The following MARCHF1 variants were observed in gnomAD, a reference collection of about 807,000 sequenced individuals.
MARCHF1 encodes membrane associated ring-CH-type finger 1, also known as E3 ubiquitin-protein ligase MARCHF1.
Under a neutral mutation model 54.2 loss-of-function variants are expected in MARCHF1, and 40 were observed. The observed-to-expected ratio is 0.74, with a 90% CI of 0.57 to 0.96. The LOEUF is 0.96. Among genes scored for constraint, MARCHF1 ranks in the 40% least tolerant of loss-of-function variants. The probability of loss-of-function intolerance (pLI) is 0.00; values close to 1 mark genes in which losing one functional copy is unlikely to be tolerated. For missense variants in MARCHF1, 586 were observed against 656.5 expected, an observed-to-expected ratio of 0.89 and a Z score of 1.17; for synonymous variants, 236 against 236.3, an observed-to-expected ratio of 1.00 and a Z score of 0.01.
At chr4:164,257,605 A>G (rs914111213) in intron 1 of MARCHF1, among the ~76,000 whole-genome samples, 5 of 151,868 alleles carry the variant, frequency 3.3e-5, no homozygotes, top group Admixed American at 3.3e-4. Context: ...TGTAAAATAT[A>G]TAACATATGA....
At chr4:163,828,393 CATT>C (rs1259176607) in intron 4 of MARCHF1, among the ~76,000 whole-genome samples, 1 of 152,022 alleles carries the variant, frequency 6.6e-6, no homozygotes, top group Non-Finnish European at 1.5e-5. Flanking sequence ...ATGCTTCAGT[CATT>C]ATAGACTTTT....
At chr4:163,959,448 T>C (rs1410983568) in intron 3 of MARCHF1, among the ~76,000 whole-genome samples, 1 of 151,704 alleles carries the variant, frequency 6.6e-6, no homozygotes, top group African/African-American at 2.4e-5. Flanking sequence ...GACAGCATGG[T>C]ATTGGTACAA....
At chr4:163,613,264 C>A in intron 6 of MARCHF1, 50 bp downstream of exon 6, 1 of 1,527,428 alleles carries the variant, frequency 6.5e-7, no homozygotes, top group East Asian at 2.3e-5. Flanking sequence ...AACAAGAATA[C>A]GAATATTGAT....
intron 3 of MARCHF1, among the ~76,000 whole-genome samples, chr4:163,982,431 C>T (rs1752781673): frequency 6.6e-6 from 1 of 152,144 alleles, no homozygotes; most frequent in South Asian, 2.1e-4. Context: ...GATTGCTGTA[C>T]CCAGATCCCA....
chr4:164,301,410 C>T (rs962384677), intron 1 of MARCHF1, among the ~76,000 whole-genome samples: 50 of 152,158 alleles, frequency 3.3e-4, no homozygotes, highest in African/African-American at 1.2e-3. Context: ...GGAACACGGG[C>T]TAATTGTAAG....
At chr4:163,829,833 G>A (rs893197578) in intron 4 of MARCHF1, among the ~76,000 whole-genome samples, 13 of 152,220 alleles carry the variant, frequency 8.5e-5, no homozygotes, top group African/African-American at 2.9e-4. Context: ...ACAATTGGAC[G>A]GCAGGCCTCA....
chr4:164,031,356 T>G (rs779490877), intron 2 of MARCHF1, among the ~76,000 whole-genome samples: 22 of 152,142 alleles, frequency 1.4e-4, no homozygotes, highest in Non-Finnish European at 3.1e-4. Flanking sequence ...TCATTTCTTA[T>G]TGTGTCTATT....
intron 1 of MARCHF1, among the ~76,000 whole-genome samples, chr4:164,264,483 TAAAAA>T (rs201127299): frequency 7.1e-6 from 1 of 141,786 alleles, no homozygotes; most frequent in Non-Finnish European, 1.6e-5. Flanking sequence ...AAATAAAAGT[TAAAAA>T]AAAAAAAGAA....
intron 3 of MARCHF1, among the ~76,000 whole-genome samples, chr4:163,901,102 T>C (rs1295191162): frequency 6.6e-6 from 1 of 152,200 alleles, no homozygotes; most frequent in Non-Finnish European, 1.5e-5. Flanking sequence ...AAGTGATGCA[T>C]ACTGTAGAAG....
intron 1 of MARCHF1, among the ~76,000 whole-genome samples, chr4:164,368,311 GAA>G (rs1487309691): frequency 7.0e-6 from 1 of 142,790 alleles, no homozygotes; most frequent in Non-Finnish European, 1.5e-5. Flanking sequence ...AAATGAAAAA[GAA>G]AATAATTTTC....
intron 7 of MARCHF1, among the ~76,000 whole-genome samples, chr4:163,601,883 T>C (rs1249144756): frequency 6.6e-6 from 1 of 152,048 alleles, no homozygotes; most frequent in East Asian, 1.9e-4. Context: ...AATTAGAAAG[T>C]AATTTATCAA....
intron 3 of MARCHF1, among the ~76,000 whole-genome samples, chr4:163,873,479 T>C (rs1354263676): frequency 6.6e-6 from 1 of 152,154 alleles, no homozygotes; most frequent in Admixed American, 6.5e-5. Flanking sequence ...GAGTCAGGCT[T>C]TTGACAGAGC....
At chr4:164,135,795 G>A (rs1756388804) in intron 1 of MARCHF1, among the ~76,000 whole-genome samples, 1 of 152,130 alleles carries the variant, frequency 6.6e-6, no homozygotes, top group African/African-American at 2.4e-5. Flanking sequence ...TCAAAGATGT[G>A]GTCTAAGAAA....
intron 4 of MARCHF1, among the ~76,000 whole-genome samples, chr4:163,775,505 A>G (rs190564602): frequency 1.3e-5 from 2 of 152,258 alleles, no homozygotes; most frequent in Admixed American, 1.3e-4. Context: ...TAACATTTTT[A>G]TACATAGATA....
At chr4:164,286,039 A>G (rs1349331830) in intron 1 of MARCHF1, among the ~76,000 whole-genome samples, 1 of 152,170 alleles carries the variant, frequency 6.6e-6, no homozygotes, top group Non-Finnish European at 1.5e-5. Context: ...AGAAAAATCA[A>G]GATTTCCCTG....
intron 1 of MARCHF1, among the ~76,000 whole-genome samples, chr4:164,301,225 A>C (rs1260169460): frequency 6.6e-6 from 1 of 152,212 alleles, no homozygotes; most frequent in African/African-American, 2.4e-5. Flanking sequence ...AGATTGGAGT[A>C]CCAGATATGA....
intron 3 of MARCHF1, among the ~76,000 whole-genome samples, chr4:163,935,798 G>A (rs1205291309): frequency 6.7e-6 from 1 of 149,842 alleles, no homozygotes; most frequent in Non-Finnish European, 1.5e-5. Context: ...TGCCATGCTG[G>A]TGTTTTGCTT....
chr4:164,148,926 G>A (rs1445701935), intron 1 of MARCHF1, among the ~76,000 whole-genome samples: 2 of 152,014 alleles, frequency 1.3e-5, no homozygotes, highest in Admixed American at 6.6e-5. Flanking sequence ...TGGATGCTCT[G>A]TCCCCTCCAA....
At position 163,837,110 on chromosome 4, in the gene MARCHF1, G is replaced by T. The variant is rs575650924; in HGVS notation, c.111+16911C>A. 2.1e-4 allele frequency among the ~76,000 whole-genome samples: 32 copies of T among 152,230 alleles called. No homozygotes were observed. In the East Asian group the frequency reaches 6.0e-3, roughly 28 times the overall value. On this transcript the variant is annotated intron_variant, in intron 4 of 9. Transcript: ENST00000514618. ...AATAAGGACACACCACTAATTTTTGGTGGATTCAGAATCAAACATACCATT... is the reference window on the plus strand; with the variant it reads ...AATAAGGACACACCACTAATTTTTGTTGGATTCAGAATCAAACATACCATT...
Sources: allele counts gnomAD v4.1 joint callset (sites outside exome capture counted in the v4.1 genomes callset), GRCh38; gene constraint gnomAD v4.1.1; transcripts MANE v1.5; gene names NCBI Gene and HGNC (gene_info 2026-07-23, HGNC 2026-07-21).